Variants in LPP observed in about 807,000 individuals in gnomAD.
LPP encodes lipoma-preferred partner.
LPP carries 38 observed loss-of-function variants against 60.4 expected under a neutral mutation model. That is an observed-to-expected ratio of 0.63 (90% CI 0.49 to 0.83). The LOEUF is 0.83. Among genes scored for constraint, LPP ranks in the 40% least tolerant of loss-of-function variants. LPP has a pLI of 0.00. For synonymous variants in LPP, 328 were observed against 290.8 expected, an observed-to-expected ratio of 1.13 and a Z score of -1.30; for missense variants, 902 against 783.6, an observed-to-expected ratio of 1.15 and a Z score of -1.80.
chr3:188,669,341 T>C (rs142028625), intron 7 of LPP, among the ~76,000 whole-genome samples: 9,319 of 149,402 alleles, frequency 0.062, 935 homozygotes, highest in African/African-American at 0.21. Context: ...CTTTGGGAGG[T>C]CGAGGCGGGC....
chr3:188,692,372 A>G (rs529753906), intron 7 of LPP, among the ~76,000 whole-genome samples: 1 of 152,264 alleles, frequency 6.6e-6, no homozygotes, highest in East Asian at 1.9e-4. Flanking sequence ...GAGGTCATTT[A>G]CATTTGCATT....
At chr3:188,576,634 A>T (rs1834683959) in intron 6 of LPP, among the ~76,000 whole-genome samples, 1 of 152,176 alleles carries the variant, frequency 6.6e-6, no homozygotes, top group Non-Finnish European at 1.5e-5. Context: ...AAAACAAATC[A>T]AGGATTAGCA....
intron 2 of LPP, among the ~76,000 whole-genome samples, chr3:188,299,157 C>G (rs2150125641): frequency 6.6e-6 from 1 of 152,322 alleles, no homozygotes; most frequent in South Asian, 2.1e-4. Context: ...GCCACTTTTC[C>G]TTCACACAGC....
chr3:188,167,240 G>A (rs1485759499), intron 1 of LPP, among the ~76,000 whole-genome samples: 1 of 152,212 alleles, frequency 6.6e-6, no homozygotes, highest in Non-Finnish European at 1.5e-5. Context: ...GCTCAGGCCT[G>A]TAATCCTAGC....
chr3:188,205,378 T>C (rs1273789243), intron 1 of LPP, among the ~76,000 whole-genome samples: 1 of 146,894 alleles, frequency 6.8e-6, no homozygotes, highest in Non-Finnish European at 1.5e-5. Flanking sequence ...CCCCACCAGG[T>C]TCAAGCGATT....
chr3:188,475,768 T>A (rs966799092), intron 4 of LPP, among the ~76,000 whole-genome samples: 4 of 152,190 alleles, frequency 2.6e-5, no homozygotes. Flanking sequence ...CCGGGCGTGG[T>A]GGCGGGCGCC....
intron 2 of LPP, among the ~76,000 whole-genome samples, chr3:188,330,692 T>C (rs1759775932): frequency 6.6e-6 from 1 of 152,150 alleles, no homozygotes; most frequent in Non-Finnish European, 1.5e-5. Context: ...GGCCCATGCC[T>C]GTAGCCCCAA....
chr3:188,273,077 C>T lies in LPP; in HGVS notation c.-67+47550C>T, dbSNP rs148994118. Among the ~76,000 whole-genome samples, 1,188 of 152,306 alleles carry T rather than the reference C, an allele frequency of 7.8e-3. 14 individuals are homozygous for T. The Middle Eastern group carries it at 0.082, about 10-fold the overall frequency. The stretch of plus-strand genomic sequence containing the variant: ...TCGTTCAGTGCTTTTATGCCTGCGT[C>T]GTGTTTTCTGCCTTTCCAGGCTTCA... On this transcript the variant is annotated intron_variant, in intron 2 of 11. Coordinates refer to ENST00000617246, the MANE Select transcript of LPP (RefSeq NM_001375462.1).
intron 4 of LPP, among the ~76,000 whole-genome samples, chr3:188,414,812 G>C (rs1303135255): frequency 6.6e-6 from 1 of 152,134 alleles, no homozygotes; most frequent in Non-Finnish European, 1.5e-5. Flanking sequence ...GGCTTGTTCA[G>C]TATTGCAGAT....
rs1027298235 is a variant in LPP at position 188,641,529 on chromosome 3, T to C, written c.1113+31685T>C. ...TTCAGCACAGTAATAAGGCTCCTAATACCAAAGGAAAAACAAGTCAGTAGT... is the reference window on the plus strand; with the variant it reads ...TTCAGCACAGTAATAAGGCTCCTAACACCAAAGGAAAAACAAGTCAGTAGT... On this transcript the variant is annotated intron_variant, in intron 7 of 11. Coordinates refer to ENST00000617246, the MANE Select transcript of LPP (RefSeq NM_001375462.1). Among the ~76,000 whole-genome samples, 4 of 152,150 alleles carry C rather than the reference T, an allele frequency of 2.6e-5. No homozygotes were observed. In the East Asian group the frequency reaches 7.7e-4, roughly 29 times the overall value.
At chr3:188,515,086 G>A (rs1225620268) in intron 5 of LPP, among the ~76,000 whole-genome samples, 8 of 152,190 alleles carry the variant, frequency 5.3e-5, no homozygotes, top group African/African-American at 1.7e-4. Context: ...CTATGTTGAC[G>A]TTTGATACGG....
chr3:188,589,846 G>T (rs1414215383), intron 6 of LPP, among the ~76,000 whole-genome samples: 10 of 152,128 alleles, frequency 6.6e-5, no homozygotes, highest in African/African-American at 2.4e-4. Flanking sequence ...TTGAACTAAA[G>T]ACCTGAAATG....
At chr3:188,353,460 ACTGT>A (rs1233644280) in intron 3 of LPP, among the ~76,000 whole-genome samples, 34 of 152,326 alleles carry the variant, frequency 2.2e-4, no homozygotes, top group South Asian at 8.3e-4. Context: ...AACCCAATAC[ACTGT>A]CTATTATTAT....
intron 3 of LPP, among the ~76,000 whole-genome samples, chr3:188,358,804 G>T (rs972160825): frequency 1.3e-5 from 2 of 152,082 alleles, no homozygotes; most frequent in African/African-American, 4.8e-5. Context: ...TCAATCCTGG[G>T]CAAAATGTTG....
intron 3 of LPP, among the ~76,000 whole-genome samples, chr3:188,376,830 G>T (rs986185052): frequency 1.3e-5 from 2 of 152,156 alleles, no homozygotes; most frequent in African/African-American, 4.8e-5. Context: ...GCATGTTTTT[G>T]CAGTGGCTGG....
At chr3:188,460,620 C>T (rs1333188063) in intron 4 of LPP, among the ~76,000 whole-genome samples, 1 of 148,696 alleles carries the variant, frequency 6.7e-6, no homozygotes, top group Non-Finnish European at 1.5e-5. Flanking sequence ...TTTTAGGAAA[C>T]CATTTTCTTT....
intron 1 of LPP, among the ~76,000 whole-genome samples, chr3:188,218,932 A>G (rs2149268803): frequency 6.6e-6 from 1 of 152,338 alleles, no homozygotes; most frequent in African/African-American, 2.4e-5. Flanking sequence ...GCACAAAAAG[A>G]TGTAATGACT....
chr3:188,173,713 A>G (rs1017171552), intron 1 of LPP, among the ~76,000 whole-genome samples: 6 of 152,152 alleles, frequency 3.9e-5, no homozygotes, highest in African/African-American at 1.4e-4. Context: ...CCAGCAAAGC[A>G]GGGCTTAAAA....
At chr3:188,387,340 G>A (rs1307774607) in intron 3 of LPP, among the ~76,000 whole-genome samples, 1 of 152,042 alleles carries the variant, frequency 6.6e-6, no homozygotes, top group Non-Finnish European at 1.5e-5. Flanking sequence ...CCATCATGCT[G>A]TGTATCTCTT....
Sources: gnomAD v4.1 joint callset for allele counts (sites outside exome capture counted in the v4.1 genomes callset) on GRCh38, gnomAD v4.1.1 for gene constraint, MANE v1.5 for transcripts, NCBI Gene and HGNC (gene_info 2026-07-23, HGNC 2026-07-21) for gene names.